Variants in HACD1 observed in about 807,000 individuals in gnomAD.
HACD1 encodes very-long-chain (3R)-3-hydroxyacyl-CoA dehydratase 1.
In HACD1, 41 loss-of-function variants were observed where a neutral mutation model predicts 32.0. That is an observed-to-expected ratio of 1.28 (90% CI 1.00 to 1.66). HACD1 has a LOEUF of 1.66. HACD1 is among the 40% of genes most tolerant of loss of function. HACD1 has a pLI of 0.00. For missense variants in HACD1, 396 were observed against 380.1 expected (o/e 1.04, Z -0.35); for synonymous variants, 142 against 139.0 (o/e 1.02, Z -0.15).
At chr10:17,615,525 T>A (rs1419052525) in intron 1 of HACD1, 1 of 155,180 alleles carries the variant, frequency 6.4e-6, no homozygotes, top group East Asian at 1.9e-4. Flanking sequence ...CATTTTTCTA[T>A]AAACCCTGGA....
intron 5 of HACD1, among the ~76,000 whole-genome samples, chr10:17,595,022 T>G (rs1833978540): frequency 6.6e-6 from 1 of 151,680 alleles, no homozygotes; most frequent in African/African-American, 2.4e-5. Context: ...CCACGCCCGG[T>G]TAATTTTTGT....
chr10:17,598,448 C>T (rs941244693), intron 5 of HACD1, among the ~76,000 whole-genome samples: 1 of 151,990 alleles, frequency 6.6e-6, no homozygotes, highest in Non-Finnish European at 1.5e-5. Context: ...GGCATGGTGG[C>T]TCACACCTAT....
chr10:17,602,355 G>A (rs187887620), intron 4 of HACD1, among the ~76,000 whole-genome samples: 11 of 152,192 alleles, frequency 7.2e-5, no homozygotes, highest in African/African-American at 2.2e-4. Context: ...ACAGGCTTGT[G>A]CCACCTCGCC....
At chr10:17,597,829 A>G (rs1417968173) in intron 5 of HACD1, among the ~76,000 whole-genome samples, 4 of 152,228 alleles carry the variant, frequency 2.6e-5, no homozygotes, top group Non-Finnish European at 4.4e-5. Context: ...CCAAATCCAT[A>G]TAAATGGTAG....
At chr10:17,611,753 T>G (rs995553618) in intron 1 of HACD1, among the ~76,000 whole-genome samples, 1 of 151,480 alleles carries the variant, frequency 6.6e-6, no homozygotes. Flanking sequence ...GATCACGAGG[T>G]TAGGAGATCG....
chr10:17,590,307 C>T lies in HACD1; in HGVS notation c.*57G>A. The T allele has an allele frequency of 7.9e-7, 1 of 1,261,322 alleles. No homozygotes were observed. The highest frequency in any genetic ancestry group is 1.1e-6 in the Non-Finnish European group (1 of 894,312). The allele number at this position is 1,261,322 out of a possible 1,614,324, so 78.1% of individuals were successfully genotyped here. A position where few individuals can be genotyped will look rare whatever the true frequency, so the allele number is the denominator to read the frequency against. ...AAGTTGTTTATTCTTGTTATTAAAA[C>T]TTGGACTCAGGTAATCTTGGTTATT... On this transcript the variant is annotated 3_prime_UTR_variant, in exon 7 of 7. Transcript: ENST00000361271.
Position 17,590,308 on chromosome 10 carries a change from T to C in HACD1, c.*56A>G. On this transcript the variant is annotated 3_prime_UTR_variant, in exon 7 of 7. Coordinates refer to ENST00000361271, the MANE Select transcript of HACD1 (RefSeq NM_014241.4). ...AGTTGTTTATTCTTGTTATTAAAAC[T>C]TGGACTCAGGTAATCTTGGTTATTC... 4 of 1,265,208 alleles carry C rather than the reference T, an allele frequency of 3.2e-6. No homozygotes were observed. The South Asian group carries it at 5.4e-5, about 17-fold the overall frequency. 78.4% of individuals were successfully genotyped at this position (1,265,208 alleles called of 1,614,324 possible).
At position 17,590,339 on chromosome 10, in the gene HACD1, A is replaced by T; in HGVS notation, c.*25T>A. 6.6e-7 allele frequency: 1 copy of T among 1,506,750 alleles called. No individual in the cohort carries two copies. The highest frequency in any genetic ancestry group is 9.0e-7 in the Non-Finnish European group (1 of 1,109,116). 93.3% of individuals were successfully genotyped at this position (1,506,750 alleles called of 1,614,324 possible). A position where few individuals can be genotyped will look rare whatever the true frequency, so the allele number is the denominator to read the frequency against. On this transcript the variant is annotated 3_prime_UTR_variant, in exon 7 of 7. Transcript: ENST00000361271. ...TCAGGTAATCTTGGTTATTCTGGAA[A>T]AAGCACCTTGTTTGCAGAGATCATT...
At position 17,594,298 on chromosome 10, in the gene HACD1, T is replaced by C. The variant is rs1554815821; in HGVS notation, c.691A>G (p.Thr231Ala). Residue 231 changes from threonine (T) to alanine (A), a missense_variant, in exon 6 of 7, where the codon ACA (threonine) becomes GCA (alanine). Transcript: ENST00000361271. ...GGAAGTCTTATTGAAAACATTCCTG[T>C]TTTCTTCACATGCGGCAAGGCAGCG... ...IYAALPHVKK[T>A]GMFSIRLPNK... 1 of 1,604,790 alleles carries C rather than the reference T, an allele frequency of 6.2e-7. No homozygotes were observed.
At chr10:17,596,368 A>G (rs1353394334) in intron 5 of HACD1, among the ~76,000 whole-genome samples, 1 of 152,148 alleles carries the variant, frequency 6.6e-6, no homozygotes, top group African/African-American at 2.4e-5. Flanking sequence ...ATTTAAATCA[A>G]TCTTTCCCTA....
Position 17,603,600 on chromosome 10 carries a change from C to A in HACD1, c.443G>T (p.Arg148Ile), listed in dbSNP as rs1554816732. The A allele has an allele frequency of 6.2e-7, 1 of 1,613,424 alleles. No homozygotes were observed. Among genetic ancestry groups the A allele is most frequent in the African/African-American group, 1.3e-5 (1 of 74,886 alleles). ...VIVTGVQVSS[R>I]IFMVWLITHS... is the part of the protein sequence containing the mutation. ...AGTAATGAGCCACACCATAAAGATT[C>A]TTGAACTCACTTGGACCCCAGTCAC... Residue 148 changes from arginine to isoleucine, a missense_variant, in exon 4 of 7, where the codon AGA (arginine) becomes ATA (isoleucine). Transcript: ENST00000361271.
chr10:17,598,879 C>A (rs1834029782), intron 5 of HACD1, among the ~76,000 whole-genome samples: 1 of 151,840 alleles, frequency 6.6e-6, no homozygotes, highest in Admixed American at 6.6e-5. Context: ...AAGAAAAAAA[C>A]CAATCGCATT....
chr10:17,599,563 C>T (rs1349242254), intron 4 of HACD1, 152 bp from the exon 5 acceptor site: 6 of 1,269,456 alleles, frequency 4.7e-6, no homozygotes, highest in Non-Finnish European at 6.2e-6. Context: ...TCACCATTAA[C>T]ATAATTAATT....
intron 1 of HACD1, among the ~76,000 whole-genome samples, chr10:17,605,691 C>A (rs1208752809): frequency 6.6e-6 from 1 of 151,600 alleles, no homozygotes; most frequent in Admixed American, 6.6e-5. Context: ...TAGTGGCTCA[C>A]CCCTGTAATC....
intron 6 of HACD1, 134 bp downstream of exon 6, chr10:17,594,071 A>G: frequency 1.3e-6 from 1 of 789,336 alleles, no homozygotes; most frequent in Non-Finnish European, 1.7e-6. Flanking sequence ...TTATCAGTAA[A>G]TATGGAGTTA....
At chr10:17,615,689 CG>C in intron 1 of HACD1, 1 of 231,230 alleles carries the variant, frequency 4.3e-6, no homozygotes, top group South Asian at 3.8e-5. Context: ...ATATTAGGCC[CG>C]GTGCGATGGC....
At chr10:17,595,770 A>C (rs964310375) in intron 5 of HACD1, among the ~76,000 whole-genome samples, 1 of 152,112 alleles carries the variant, frequency 6.6e-6, no homozygotes, top group Non-Finnish European at 1.5e-5. Context: ...CAGAAAACTT[A>C]AGAGGCCAGA....
At chr10:17,605,656 A>C (rs1427403859) in intron 1 of HACD1, among the ~76,000 whole-genome samples, 1 of 152,004 alleles carries the variant, frequency 6.6e-6, no homozygotes, top group African/African-American at 2.4e-5. Context: ...TTTAAAAAAA[A>C]AAAAACAAAA....
chr10:17,592,923 C>T (rs1412909923), intron 6 of HACD1, among the ~76,000 whole-genome samples: 10 of 152,236 alleles, frequency 6.6e-5, no homozygotes, highest in East Asian at 1.9e-4. Context: ...AGACATCTGC[C>T]GGGGGCAGGG....
Sources: gnomAD v4.1 joint callset for allele counts (sites outside exome capture counted in the v4.1 genomes callset) on GRCh38, gnomAD v4.1.1 for gene constraint, MANE v1.5 for transcripts, NCBI Gene and HGNC (gene_info 2026-07-23, HGNC 2026-07-21) for gene names.